The following CPEB1 variants were observed in gnomAD, a reference collection of about 807,000 sequenced individuals.
The protein encoded by CPEB1 is cytoplasmic polyadenylation element binding protein 1.
Under a neutral mutation model 65.8 loss-of-function variants are expected in CPEB1, and 7 were observed. That is an observed-to-expected ratio of 0.11 (90% CI 0.06 to 0.20). The LOEUF (loss-of-function observed/expected upper bound fraction) is 0.20, where lower values mean the gene tolerates loss of function less well. Among genes scored for constraint, CPEB1 ranks in the 10% least tolerant of loss-of-function variants. The pLI, the probability that CPEB1 is intolerant of heterozygous loss-of-function variation, is 1.00. For missense variants in CPEB1, 551 were observed against 712.2 expected, an observed-to-expected ratio of 0.77 and a Z score of 2.58; for synonymous variants, 262 against 260.0, an observed-to-expected ratio of 1.01 and a Z score of -0.08.
At chr15:82,610,658 T>C (rs569335663) in intron 3 of CPEB1, among the ~76,000 whole-genome samples, 1 of 151,702 alleles carries the variant, frequency 6.6e-6, no homozygotes, top group South Asian at 2.1e-4. Flanking sequence ...AAACTAGGAA[T>C]AGAAAAAAAC....
At chr15:82,598,897 A>G (rs2042882093) in intron 3 of CPEB1, among the ~76,000 whole-genome samples, 1 of 152,224 alleles carries the variant, frequency 6.6e-6, no homozygotes, top group African/African-American at 2.4e-5. Flanking sequence ...CAACCTTAAC[A>G]TAAAACCTAT....
chr15:82,593,343 A>C (rs1033050802), intron 3 of CPEB1, among the ~76,000 whole-genome samples: 7 of 152,348 alleles, frequency 4.6e-5, no homozygotes, highest in African/African-American at 9.6e-5. Flanking sequence ...TTCAACAAAA[A>C]TGTTCACAGC....
intron 4 of CPEB1, among the ~76,000 whole-genome samples, chr15:82,564,220 C>T (rs190705166): frequency 5.2e-4 from 79 of 152,304 alleles, no homozygotes; most frequent in African/African-American, 1.8e-3. Context: ...AGAGCCAGTA[C>T]GCTAAGGCCC....
chr15:82,592,147 T>C lies in CPEB1; in HGVS notation c.272-20615A>G, dbSNP rs141897005. On this transcript the variant is annotated intron_variant, in intron 3 of 12. Coordinates refer to ENST00000684509, the MANE Select transcript of CPEB1 (RefSeq NM_001365242.1). Reference sequence around the variant, plus strand: ...AGGAGCCACCACGCCCAGCCAGAACTTCAGTTATTTTTATTGCCAAATAAC... The same window carrying C: ...AGGAGCCACCACGCCCAGCCAGAACCTCAGTTATTTTTATTGCCAAATAAC... Among the ~76,000 whole-genome samples, 779 of 152,208 alleles carry C rather than the reference T, an allele frequency of 5.1e-3. 10 individuals are homozygous for C. The highest frequency in any genetic ancestry group is 0.018 in the African/African-American group (750 of 41,530).
At chr15:82,589,911 T>G (rs943269107) in intron 3 of CPEB1, among the ~76,000 whole-genome samples, 3 of 152,174 alleles carry the variant, frequency 2.0e-5, no homozygotes, top group Non-Finnish European at 4.4e-5. Flanking sequence ...AATCTAGAGA[T>G]AAAGTATATA....
chr15:82,618,491 C>CA (rs2044976163), intron 3 of CPEB1, among the ~76,000 whole-genome samples: 2 of 152,108 alleles, frequency 1.3e-5, no homozygotes, highest in African/African-American at 2.4e-5. Context: ...TGCCTAGATC[C>CA]AAATCTCTCC....
At chr15:82,587,778 A>C (rs2041917198) in intron 3 of CPEB1, among the ~76,000 whole-genome samples, 1 of 152,198 alleles carries the variant, frequency 6.6e-6, no homozygotes, top group Non-Finnish European at 1.5e-5. Context: ...TGTCCTAAGA[A>C]AATAATTCAG....
intron 4 of CPEB1, among the ~76,000 whole-genome samples, chr15:82,566,339 C>T (rs539845421): frequency 6.6e-6 from 1 of 152,220 alleles, no homozygotes; most frequent in Non-Finnish European, 1.5e-5. Flanking sequence ...GCCATTATTT[C>T]TAGCCTGTGA....
intron 3 of CPEB1, among the ~76,000 whole-genome samples, chr15:82,577,898 T>C (rs2040838682): frequency 6.6e-6 from 1 of 151,992 alleles, no homozygotes; most frequent in Admixed American, 6.5e-5. Flanking sequence ...CCCAGCACTT[T>C]GGGAGGCCGA....
At chr15:82,647,584 G>T, upstream of CPEB1, 1 of 319,304 alleles carries the variant, frequency 3.1e-6, no homozygotes, top group Non-Finnish European at 5.7e-6. Flanking sequence ...GGAGGCCGCA[G>T]TGCGGCTCGG....
At chr15:82,615,396 AATT>A (rs1262864647) in intron 3 of CPEB1, among the ~76,000 whole-genome samples, 2 of 152,180 alleles carry the variant, frequency 1.3e-5, no homozygotes, top group African/African-American at 4.8e-5. Context: ...TGAATAAAAT[AATT>A]TTTTCTAGGA....
rs879915877 is a variant in CPEB1, at chr15:82,626,472, AAAAT to A, written c.271+717_271+720del. 1.5e-3 allele frequency among the ~76,000 whole-genome samples: 233 copies of A among 152,236 alleles called. 2 individuals are homozygous for A. The highest frequency in any genetic ancestry group is 3.4e-3 in the Middle Eastern group (1 of 294). ...AAGAAAGAAAAAGAAAATATAAAAT[AAAAT>A]AAATAACTCAAACCCAGAACACTTC... On this transcript the variant is annotated intron_variant, in intron 3 of 12. Transcript: ENST00000684509.
intron 6 of CPEB1, among the ~76,000 whole-genome samples, chr15:82,555,439 G>C (rs1426236710): frequency 6.6e-6 from 1 of 152,202 alleles, no homozygotes; most frequent in Non-Finnish European, 1.5e-5. Flanking sequence ...AAAGCCTCAG[G>C]GAAGAAAGCT....
Position 82,621,823 on chromosome 15 carries a change from A to G in CPEB1, c.271+5370T>C, listed in dbSNP as rs373756592. ...AGTTTTTAAAAACTGTTAAATAAAC[A>G]TATCAGTGCTAAACCTTACTTAGGA... On this transcript the variant is annotated intron_variant, in intron 3 of 12. Coordinates refer to ENST00000684509, the MANE Select transcript of CPEB1 (RefSeq NM_001365242.1). Among the ~76,000 whole-genome samples, 8 of 152,300 alleles carry G rather than the reference A, an allele frequency of 5.3e-5. No homozygotes were observed. In the South Asian group the frequency reaches 6.2e-4, roughly 12 times the overall value.
chr15:82,629,459 T>C lies in CPEB1; in HGVS notation c.-97-903A>G, dbSNP rs145816863. On this transcript the variant is annotated intron_variant, in intron 1 of 12. Coordinates refer to ENST00000684509, the MANE Select transcript of CPEB1 (RefSeq NM_001365242.1). Reference sequence around the variant, plus strand: ...TGAAAAAAGAACTCCTATATATATATATAAAAAATCATGAACCCTTACACA... The same window carrying C: ...TGAAAAAAGAACTCCTATATATATACATAAAAAATCATGAACCCTTACACA... 350 of 980,308 alleles carry C rather than the reference T, an allele frequency of 3.6e-4. 2 individuals carry two copies. The African/African-American group carries it at 5.6e-3, about 16-fold the overall frequency. 60.7% of individuals were successfully genotyped at this position (980,308 alleles called of 1,614,324 possible).
chr15:82,561,051 G>C (rs554140465), intron 4 of CPEB1, among the ~76,000 whole-genome samples: 5 of 152,236 alleles, frequency 3.3e-5, no homozygotes, highest in Admixed American at 3.3e-4. Context: ...GAAAACCAGT[G>C]ATTTCAATAG....
At chr15:82,616,252 T>C (rs1441513325) in intron 3 of CPEB1, among the ~76,000 whole-genome samples, 1 of 152,140 alleles carries the variant, frequency 6.6e-6, no homozygotes, top group Non-Finnish European at 1.5e-5. Flanking sequence ...TACCCAGTTA[T>C]ATACTTTAAA....
intron 3 of CPEB1, among the ~76,000 whole-genome samples, chr15:82,595,495 G>A (rs1484919998): frequency 6.6e-6 from 1 of 152,284 alleles, no homozygotes; most frequent in Middle Eastern, 3.4e-3. Context: ...CAGGTGTAAA[G>A]AGGCTCCACT....
chr15:82,623,759 C>A (rs2045519003), intron 3 of CPEB1, among the ~76,000 whole-genome samples: 1 of 151,948 alleles, frequency 6.6e-6, no homozygotes, highest in Admixed American at 6.6e-5. Context: ...TTTTTCTATG[C>A]ATATATATTT....
Sources: gnomAD v4.1 joint callset for allele counts (sites outside exome capture counted in the v4.1 genomes callset) on GRCh38, gnomAD v4.1.1 for gene constraint, MANE v1.5 for transcripts, NCBI Gene and HGNC (gene_info 2026-07-23, HGNC 2026-07-21) for gene names.